Variants in ARHGEF28 observed in about 807,000 individuals in gnomAD.
The protein encoded by ARHGEF28 is 190 kDa guanine nucleotide exchange factor.
ARHGEF28 carries 152 observed loss-of-function variants against 206.6 expected under a neutral mutation model. The observed-to-expected ratio is 0.74, with a 90% CI of 0.64 to 0.84. The LOEUF is 0.84. Ranked by LOEUF, ARHGEF28 falls within the 40% of genes least tolerant of loss-of-function variation. The pLI is 0.00. For missense variants in ARHGEF28, 2,028 were observed against 2,073.2 expected, an observed-to-expected ratio of 0.98 and a Z score of 0.42; for synonymous variants, 763 against 776.4, an observed-to-expected ratio of 0.98 and a Z score of 0.29.
In ARHGEF28 at chr5:73,867,958, G is replaced by A. The variant is rs1308372450; in HGVS notation, c.2235G>A (p.Arg745=). ...TGCCTGTTGGATTGCCGACTGGAAG[G>A]AGGGAGACTGTGGGACAGGTCCATC... is the stretch of plus-strand genomic sequence containing the variant. ...SSVPVGLPTG[R]RETVGQVHPL... is the part of the protein sequence containing the mutation. The change falls in exon 19 of 36, where the codon AGG becomes AGA. Residue 745 remains arginine, a synonymous_variant. Coordinates refer to ENST00000513042, the MANE Select transcript of ARHGEF28 (RefSeq NM_001177693.2). 3 of 1,614,002 alleles carry A rather than the reference G, an allele frequency of 1.9e-6. No homozygotes were observed. Among genetic ancestry groups the A allele is most frequent in the East Asian group, 4.5e-5 (2 of 44,882 alleles).
intron 1 of ARHGEF28, among the ~76,000 whole-genome samples, chr5:73,626,574 C>T (rs1743023941): frequency 6.6e-6 from 1 of 151,996 alleles, no homozygotes; most frequent in Admixed American, 6.5e-5. Flanking sequence ...CTGCGGAGCG[C>T]GGGGTCGCTC....
intron 2 of ARHGEF28, among the ~76,000 whole-genome samples, chr5:73,737,511 T>TC (rs1751056303): frequency 7.7e-6 from 1 of 129,920 alleles, no homozygotes; most frequent in African/African-American, 3.0e-5. Context: ...TCTTTTCTTT[T>TC]CTTTTCTTTT....
intron 35 of ARHGEF28, among the ~76,000 whole-genome samples, chr5:73,916,993 A>C (rs1358651933): frequency 6.6e-6 from 1 of 152,224 alleles, no homozygotes; most frequent in Non-Finnish European, 1.5e-5. Context: ...CAACACATAG[A>C]AATTAAGGCA....
chr5:73,833,999 A>T (rs1365700611), intron 10 of ARHGEF28, among the ~76,000 whole-genome samples: 1 of 152,178 alleles, frequency 6.6e-6, no homozygotes, highest in African/African-American at 2.4e-5. Flanking sequence ...ACCACAGGGT[A>T]ATTGGACTTG....
chr5:73,853,356 C>T (rs1758820341), intron 14 of ARHGEF28, among the ~76,000 whole-genome samples: 1 of 152,168 alleles, frequency 6.6e-6, no homozygotes, highest in Non-Finnish European at 1.5e-5. Flanking sequence ...AAAACAAGTG[C>T]CAGAATGGCA....
intron 4 of ARHGEF28, among the ~76,000 whole-genome samples, chr5:73,761,451 G>GGAGGAGAGTGAGGCAGGGAGC (rs1165919587): frequency 1.3e-5 from 2 of 152,092 alleles, no homozygotes; most frequent in African/African-American, 4.8e-5. Context: ...AGAGATCTGG[G>GGAGGAGAGTGAGGCAGGGAGC]GAGGAGAGTG....
At chr5:73,747,442 C>G (rs901275502) in intron 2 of ARHGEF28, among the ~76,000 whole-genome samples, 4 of 152,188 alleles carry the variant, frequency 2.6e-5, no homozygotes, top group Non-Finnish European at 1.5e-5. Context: ...TTTCAGAAGG[C>G]CGTTCTTCCT....
rs186978517 is a variant in ARHGEF28, at chr5:73,926,312, A to C, written c.4949-14532A>C. Among the ~76,000 whole-genome samples, 275 of 152,274 alleles carry C rather than the reference A, an allele frequency of 1.8e-3. 1 individual carries two copies. The highest frequency in any genetic ancestry group is 0.01 in the Middle Eastern group (3 of 294). On this transcript the variant is annotated intron_variant, in intron 35 of 35. Transcript: ENST00000513042. Reference sequence around the variant, plus strand: ...ACAAGAGAGACATAGCTTCCTTCTTACTGTGCTCTTGGACTTGCCTCTCTC... The same window carrying C: ...ACAAGAGAGACATAGCTTCCTTCTTCCTGTGCTCTTGGACTTGCCTCTCTC...
intron 2 of ARHGEF28, among the ~76,000 whole-genome samples, chr5:73,737,523 T>C (rs976470989): frequency 7.1e-6 from 1 of 140,278 alleles, no homozygotes; most frequent in Non-Finnish European, 1.5e-5. Context: ...TTTTCTTTTC[T>C]TTTTTGTGAT....
intron 2 of ARHGEF28, among the ~76,000 whole-genome samples, chr5:73,688,184 A>C (rs1747589066): frequency 6.6e-6 from 1 of 152,182 alleles, no homozygotes. Context: ...ACTTTTAAAA[A>C]TATATAAATT....
chr5:73,703,982 C>T (rs1748765144), intron 2 of ARHGEF28, among the ~76,000 whole-genome samples: 1 of 151,302 alleles, frequency 6.6e-6, no homozygotes, highest in African/African-American at 2.4e-5. Flanking sequence ...CAAGATTGCA[C>T]CACTGCACTT....
chr5:73,648,336 AAAGATC>A (rs1258311848), intron 1 of ARHGEF28, among the ~76,000 whole-genome samples: 1 of 152,188 alleles, frequency 6.6e-6, no homozygotes, highest in African/African-American at 2.4e-5. Context: ...CTGTACTATA[AAAGATC>A]AAGATCGAGT....
chr5:73,800,265 G>A (rs1755052905), intron 9 of ARHGEF28, among the ~76,000 whole-genome samples: 1 of 152,160 alleles, frequency 6.6e-6, no homozygotes, highest in Non-Finnish European at 1.5e-5. Context: ...CTCCATTATA[G>A]AAAGTAACTT....
intron 35 of ARHGEF28, among the ~76,000 whole-genome samples, chr5:73,915,685 T>A (rs768774130): frequency 3.0e-4 from 45 of 152,210 alleles, no homozygotes; most frequent in Non-Finnish European, 6.5e-4. Context: ...TGTGGCTTTT[T>A]TTCTCCTAGC....
intron 1 of ARHGEF28, among the ~76,000 whole-genome samples, chr5:73,678,669 C>T (rs536101842): frequency 1.3e-4 from 20 of 152,164 alleles, no homozygotes; most frequent in African/African-American, 4.3e-4. Flanking sequence ...GCTTGCCACA[C>T]GCCACAGGCT....
intron 2 of ARHGEF28, among the ~76,000 whole-genome samples, chr5:73,706,782 C>T (rs150389114): frequency 8.5e-5 from 13 of 152,186 alleles, no homozygotes; most frequent in East Asian, 3.8e-4. Flanking sequence ...ATGCTGCCAG[C>T]GGGGCAAACA....
chr5:73,841,712 G>GAAAAAAAAAAAAAAAGAGAAAAAAAA (rs1757998697), intron 11 of ARHGEF28, among the ~76,000 whole-genome samples: 1 of 110,830 alleles, frequency 9.0e-6, no homozygotes, highest in Non-Finnish European at 1.8e-5. Context: ...TCAAAAAGAA[G>GAAAAAAAAAAAAAAAGAGAAAAAAAA]AAAAAAAAAA....
At chr5:73,715,193 G>A (rs1366247709) in intron 2 of ARHGEF28, among the ~76,000 whole-genome samples, 1 of 152,198 alleles carries the variant, frequency 6.6e-6, no homozygotes, top group Admixed American at 6.5e-5. Context: ...AAAAGAGATA[G>A]GAACAACAGA....
intron 2 of ARHGEF28, among the ~76,000 whole-genome samples, chr5:73,706,415 G>A (rs1005008413): frequency 6.6e-6 from 1 of 151,796 alleles, no homozygotes; most frequent in African/African-American, 2.4e-5. Flanking sequence ...TGATTTCTCT[G>A]TGTTAAATAT....
Sources: gnomAD v4.1 joint callset for allele counts (sites outside exome capture counted in the v4.1 genomes callset) on GRCh38, gnomAD v4.1.1 for gene constraint, MANE v1.5 for transcripts, NCBI Gene and HGNC (gene_info 2026-07-23, HGNC 2026-07-21) for gene names.